GTF2I: variants seen among roughly 807,000 people sequenced by gnomAD.
GTF2I encodes the protein general transcription factor II-I.
A neutral mutation model predicts 67.6 loss-of-function variants in GTF2I; 12 were observed. That is an observed-to-expected ratio of 0.18 (90% confidence interval 0.11 to 0.29). GTF2I has a LOEUF of 0.29. Among genes scored for constraint, GTF2I ranks in the 10% least tolerant of loss-of-function variants. The pLI is 1.00. For synonymous variants in GTF2I, 149 were observed against 197.0 expected (o/e 0.76, Z 2.04); for missense variants, 271 against 580.1 (o/e 0.47, Z 5.47).
chr7:74,712,652 CTTTTT>C (rs67504763), intron 9 of GTF2I, among the ~76,000 whole-genome samples: 3 of 114,186 alleles, frequency 2.6e-5, no homozygotes, highest in Admixed American at 9.2e-5. Flanking sequence ...CAAGATTTAT[CTTTTT>C]TTTTTTTTTT....
At chr7:74,659,322 G>A (rs1264661890) in intron 1 of GTF2I, among the ~76,000 whole-genome samples, 1 of 152,064 alleles carries the variant, frequency 6.6e-6, no homozygotes, top group African/African-American at 2.4e-5. Context: ...CCAACACCTG[G>A]GCTCCAGCGA....
intron 8 of GTF2I, among the ~76,000 whole-genome samples, chr7:74,707,444 G>A (rs944315910): frequency 1.3e-5 from 2 of 152,120 alleles, no homozygotes; most frequent in African/African-American, 2.4e-5. Context: ...CACCTGCCCC[G>A]CTTCACCCCA....
intron 11 of GTF2I, chr7:74,717,203 CT>C (rs1181988283): frequency 6.8e-3 from 1,966 of 289,508 alleles, no homozygotes; most frequent in Middle Eastern, 0.013. Context: ...CAAAATGCTA[CT>C]TTTTTTTTTG....
chr7:74,680,099 A>AAAAAAAAAAATATAT lies in GTF2I; in HGVS notation c.-5-9024_-5-9023insAAAAAAAAATATATA. The stretch of plus-strand genomic sequence containing the variant: ...CATCTCAAAAAAAAAAAAAAAAAAA[A>AAAAAAAAAAATATAT]ATATATATATATATATATGTATGTA... On this transcript the variant is annotated intron_variant, in intron 1 of 34. Coordinates refer to ENST00000573035, the MANE Select transcript of GTF2I (RefSeq NM_032999.4). 1.0e-3 allele frequency among the ~76,000 whole-genome samples: 95 copies of AAAAAAAAAAATATAT among 94,908 alleles called. 1 individual carries two copies. Among genetic ancestry groups the AAAAAAAAAAATATAT allele is most frequent in the African/African-American group, 3.6e-3 (90 of 24,856 alleles). 62.3% of individuals were successfully genotyped at this position (94,908 alleles called of 152,430 possible).
At chr7:74,733,677 G>T (rs1554407166) in intron 15 of GTF2I, 1 of 141,824 alleles carries the variant, frequency 7.1e-6, no homozygotes, top group Non-Finnish European at 1.4e-5. Context: ...GAGGCAGGAG[G>T]ATTGCTTGAA....
chr7:74,674,195 G>A (rs1015974817), intron 1 of GTF2I, among the ~76,000 whole-genome samples: 9 of 151,124 alleles, frequency 6.0e-5, no homozygotes, highest in Admixed American at 3.3e-4. Flanking sequence ...TCAGGCTCCT[G>A]AGTAGCTGGG....
chr7:74,722,400 G>A (rs1793138709), intron 12 of GTF2I, among the ~76,000 whole-genome samples: 1 of 152,202 alleles, frequency 6.6e-6, no homozygotes, highest in Non-Finnish European at 1.5e-5. Flanking sequence ...CGTCAGGTAT[G>A]TTATCTCTAA....
Position 74,657,996 on chromosome 7 carries a change from C to G in GTF2I, c.-78C>G, listed in dbSNP as rs1219332040. 6.6e-6 allele frequency: 1 copy of G among 151,850 alleles called. No homozygotes were observed. Among genetic ancestry groups the G allele is most frequent in the Admixed American group, 6.6e-5 (1 of 15,238 alleles). The allele number at this position is 151,850 out of a possible 1,614,324, so 9.4% of individuals were successfully genotyped here. A position where few individuals can be genotyped will look rare whatever the true frequency, so the allele number is the denominator to read the frequency against. Reference sequence around the variant, plus strand: ...CGAGGCTGCTCCGCGGCGGCCGCAGCCCGCGCGCGGCCCACACTCGCCTCC... The same window carrying G: ...CGAGGCTGCTCCGCGGCGGCCGCAGGCCGCGCGCGGCCCACACTCGCCTCC... On this transcript the variant is annotated 5_prime_UTR_variant, in exon 1 of 35. Coordinates refer to ENST00000573035, the MANE Select transcript of GTF2I (RefSeq NM_032999.4).
intron 3 of GTF2I, among the ~76,000 whole-genome samples, chr7:74,696,668 A>AT: frequency 1.3e-5 from 2 of 151,382 alleles, no homozygotes; most frequent in Non-Finnish European, 2.9e-5. Context: ...AATTTTTTGT[A>AT]TTTTTTAGTA....
intron 2 of GTF2I, 123 bp downstream of exon 2, chr7:74,689,350 T>C: frequency 1.4e-5 from 3 of 218,432 alleles, no homozygotes; most frequent in Non-Finnish European, 2.5e-5. Context: ...TTTCTTTACT[T>C]TTTTTTTTTT....
chr7:74,704,268 T>TTTATTTA (rs1562962667), intron 6 of GTF2I, among the ~76,000 whole-genome samples: 7 of 144,310 alleles, frequency 4.9e-5, no homozygotes, highest in South Asian at 2.1e-4. Context: ...TAATTATTAT[T>TTTATTTA]TTTATTTATT....
At chr7:74,716,088 G>A (rs1792226702) in intron 10 of GTF2I, among the ~76,000 whole-genome samples, 1 of 151,968 alleles carries the variant, frequency 6.6e-6, no homozygotes, top group South Asian at 2.1e-4. Context: ...GTACTTAAAG[G>A]CAGTGTTTTT....
chr7:74,731,505 G>A (rs1348952113), intron 14 of GTF2I, among the ~76,000 whole-genome samples: 3 of 147,626 alleles, frequency 2.0e-5, no homozygotes, highest in African/African-American at 5.0e-5. Context: ...GTTTTTAATA[G>A]CTTACACCTT....
chr7:74,659,926 A>C (rs1554385663), intron 1 of GTF2I, among the ~76,000 whole-genome samples: 1 of 152,152 alleles, frequency 6.6e-6, no homozygotes, highest in Non-Finnish European at 1.5e-5. Context: ...TCCTTCAGGG[A>C]ACAAAAGGGG....
At chr7:74,665,199 C>T (rs1371389576) in intron 1 of GTF2I, among the ~76,000 whole-genome samples, 9 of 151,966 alleles carry the variant, frequency 5.9e-5, no homozygotes, top group Admixed American at 2.0e-4. Flanking sequence ...GCCTCGGCCT[C>T]CCAAAGTGCT....
At chr7:74,685,774 GA>G (rs1175593855) in intron 1 of GTF2I, among the ~76,000 whole-genome samples, 6 of 147,268 alleles carry the variant, frequency 4.1e-5, no homozygotes, top group East Asian at 2.0e-4. Flanking sequence ...CTTAAAAAAA[GA>G]AAAAAAAAAG....
At chr7:74,731,575 G>A (rs1304264130) in intron 14 of GTF2I, among the ~76,000 whole-genome samples, 1 of 143,078 alleles carries the variant, frequency 7.0e-6, no homozygotes, top group Non-Finnish European at 1.5e-5. Context: ...TTGAGATAGA[G>A]TTTTGCTCTT....
chr7:74,705,551 CTCT>C (rs1188516065), intron 7 of GTF2I, among the ~76,000 whole-genome samples: 6 of 90,032 alleles, frequency 6.7e-5, no homozygotes, highest in African/African-American at 3.1e-4. Flanking sequence ...CAGTTGGTAA[CTCT>C]TTTTTTTTTT....
intron 1 of GTF2I, among the ~76,000 whole-genome samples, chr7:74,672,882 A>G (rs2131222983): frequency 6.6e-6 from 1 of 152,224 alleles, no homozygotes; most frequent in South Asian, 2.1e-4. Flanking sequence ...TTCTTTTGAG[A>G]CAGAGTCTCA....
Sources: allele counts gnomAD v4.1 joint callset (sites outside exome capture counted in the v4.1 genomes callset), GRCh38; gene constraint gnomAD v4.1.1; transcripts MANE v1.5; gene names NCBI Gene and HGNC (gene_info 2026-07-23, HGNC 2026-07-21).